NECAB1: variants seen among roughly 807,000 people sequenced by gnomAD.
The protein encoded by NECAB1 is N-terminal EF-hand calcium-binding protein 1.
A neutral mutation model predicts 57.5 loss-of-function variants in NECAB1; 29 were observed. That is an observed-to-expected ratio of 0.50 (90% CI 0.38 to 0.69). The LOEUF is 0.69. Ranked by LOEUF, NECAB1 falls within the 30% of genes least tolerant of loss-of-function variation. The pLI is 0.00. For synonymous variants in NECAB1, 142 were observed against 147.7 expected, an observed-to-expected ratio of 0.96 and a Z score of 0.28; for missense variants, 372 against 413.8, an observed-to-expected ratio of 0.90 and a Z score of 0.88.
chr8:90,818,069 A>G (rs1207091058), intron 2 of NECAB1, among the ~76,000 whole-genome samples: 5 of 151,794 alleles, frequency 3.3e-5, no homozygotes, highest in Non-Finnish European at 5.9e-5. Context: ...TTATGAAATT[A>G]TGGACATAGA....
At chr8:90,944,964 C>A (rs1463741823) in intron 10 of NECAB1, among the ~76,000 whole-genome samples, 1 of 151,994 alleles carries the variant, frequency 6.6e-6, no homozygotes, top group Non-Finnish European at 1.5e-5. Context: ...GTGGTGCAAT[C>A]TCGGCTCACT....
chr8:90,827,506 A>T (rs1239825717), intron 3 of NECAB1, among the ~76,000 whole-genome samples: 1 of 151,990 alleles, frequency 6.6e-6, no homozygotes, highest in Non-Finnish European at 1.5e-5. Context: ...AACTTGTTTA[A>T]GATTCTGTTC....
intron 7 of NECAB1, among the ~76,000 whole-genome samples, chr8:90,927,250 C>T (rs1285976019): frequency 7.2e-6 from 1 of 138,934 alleles, no homozygotes; most frequent in African/African-American, 2.8e-5. Flanking sequence ...TGCCAGTGCT[C>T]ATTTTTACAT....
At chr8:90,829,258 A>T (rs1354009838) in intron 3 of NECAB1, among the ~76,000 whole-genome samples, 2 of 152,104 alleles carry the variant, frequency 1.3e-5, no homozygotes. Flanking sequence ...ACACCAGTTA[A>T]AGAGCAAGAA....
intron 10 of NECAB1, among the ~76,000 whole-genome samples, chr8:90,948,398 C>T (rs986729087): frequency 2.0e-5 from 3 of 151,902 alleles, no homozygotes; most frequent in African/African-American, 7.3e-5. Flanking sequence ...AGATAAACAA[C>T]TGAAAAGAAC....
chr8:90,801,455 A>G (rs1435318423), intron 1 of NECAB1, among the ~76,000 whole-genome samples: 40 of 152,158 alleles, frequency 2.6e-4, no homozygotes, highest in Admixed American at 2.6e-3. Context: ...ATTGCTCAGT[A>G]GTATTCTATT....
intron 8 of NECAB1, among the ~76,000 whole-genome samples, chr8:90,928,570 T>C (rs1586134426): frequency 6.6e-6 from 1 of 152,226 alleles, no homozygotes; most frequent in African/African-American, 2.4e-5. Context: ...CTGCACTGCC[T>C]GGCTCTTACA....
chr8:90,824,892 A>G (rs1812198121), intron 3 of NECAB1, 67 bp downstream of exon 3: 1 of 795,444 alleles, frequency 1.3e-6, no homozygotes, highest in African/African-American at 1.8e-5. Context: ...ATTCATGTCC[A>G]GGAAGAAGAA....
chr8:90,814,614 ATTTGT>A (rs1812026723), intron 2 of NECAB1, among the ~76,000 whole-genome samples: 1 of 152,094 alleles, frequency 6.6e-6, no homozygotes, highest in African/African-American at 2.4e-5. Context: ...ATATTACTCA[ATTTGT>A]TTTGTTCTTC....
intron 3 of NECAB1, among the ~76,000 whole-genome samples, chr8:90,832,471 T>C (rs1244865224): frequency 6.6e-6 from 1 of 152,158 alleles, no homozygotes. Context: ...TATTCTTAGT[T>C]ATAATTTTTT....
chr8:90,813,801 CAA>C (rs980114966), intron 2 of NECAB1, among the ~76,000 whole-genome samples: 1 of 151,954 alleles, frequency 6.6e-6, no homozygotes, highest in Non-Finnish European at 1.5e-5. Context: ...ACTAATTTTT[CAA>C]AAAAGTTTTT....
At chr8:90,845,138 A>G (rs1388484496) in intron 3 of NECAB1, among the ~76,000 whole-genome samples, 1 of 152,168 alleles carries the variant, frequency 6.6e-6, no homozygotes, top group African/African-American at 2.4e-5. Context: ...GCAGAGGGCA[A>G]TCTACTTTGT....
chr8:90,938,368 G>A (rs1810589095), intron 9 of NECAB1, among the ~76,000 whole-genome samples: 1 of 152,280 alleles, frequency 6.6e-6, no homozygotes, highest in South Asian at 2.1e-4. Context: ...ATGACAGAGT[G>A]CTCTGAGCTA....
rs1811085079 is a variant in NECAB1 at position 90,959,064 on chromosome 8, T to C, written c.*3552T>C. On this transcript the variant is annotated 3_prime_UTR_variant, in exon 13 of 13. Transcript: ENST00000417640. ...TAAAAGAAAAAGTTAATTTATCAAT[T>C]GATTGAATACAGTTTTTACTAATTA... is the stretch of plus-strand genomic sequence containing the variant. 9.7e-7 allele frequency: 1 copy of C among 1,034,548 alleles called. No homozygotes were observed. Among genetic ancestry groups the C allele is most frequent in the South Asian group, 1.5e-5 (1 of 66,710 alleles). The allele number at this position is 1,034,548 out of a possible 1,614,324, so 64.1% of individuals were successfully genotyped here. A position where few individuals can be genotyped will look rare whatever the true frequency, so the allele number is the denominator to read the frequency against.
At chr8:90,915,162 A>G (rs1366813284) in intron 5 of NECAB1, among the ~76,000 whole-genome samples, 1 of 152,216 alleles carries the variant, frequency 6.6e-6, no homozygotes, top group Non-Finnish European at 1.5e-5. Flanking sequence ...AGATGCGAAA[A>G]TAGTTGGTAT....
chr8:90,792,605 C>T (rs1265683747), intron 1 of NECAB1, among the ~76,000 whole-genome samples: 1 of 152,138 alleles, frequency 6.6e-6, no homozygotes, highest in Non-Finnish European at 1.5e-5. Context: ...ACTACTGTCA[C>T]CTCCATGAAT....
chr8:90,932,266 A>G (rs1481958601), intron 8 of NECAB1, among the ~76,000 whole-genome samples: 1 of 152,202 alleles, frequency 6.6e-6, no homozygotes, highest in Admixed American at 6.5e-5. Context: ...TTGCCCTCAT[A>G]GAAAAGCTAT....
At chr8:90,927,208 T>C (rs867683658) in intron 7 of NECAB1, among the ~76,000 whole-genome samples, 2 of 149,962 alleles carry the variant, frequency 1.3e-5, no homozygotes, top group African/African-American at 4.9e-5. Flanking sequence ...CTCTCTCTTT[T>C]TTTTTTTTTT....
intron 3 of NECAB1, among the ~76,000 whole-genome samples, chr8:90,829,894 C>T (rs961075735): frequency 6.6e-6 from 1 of 152,006 alleles, no homozygotes; most frequent in Non-Finnish European, 1.5e-5. Context: ...TATTTGAAGA[C>T]AGTTTTCATG....
Sources: allele counts gnomAD v4.1 joint callset (sites outside exome capture counted in the v4.1 genomes callset), GRCh38; gene constraint gnomAD v4.1.1; transcripts MANE v1.5; gene names NCBI Gene and HGNC (gene_info 2026-07-23, HGNC 2026-07-21).